Variants in CGGBP1 observed in about 807,000 individuals in gnomAD.
The protein encoded by CGGBP1 is CGG triplet repeat-binding protein 1.
CGGBP1 carries 4 observed loss-of-function variants against 11.4 expected under a neutral mutation model. That is an observed-to-expected ratio of 0.35 (90% CI 0.17 to 0.80). The LOEUF is 0.80. CGGBP1 is among the 30% of genes least tolerant of loss of function. The pLI is 0.52. For missense variants in CGGBP1, 135 were observed against 202.1 expected (o/e 0.67, Z 2.01); for synonymous variants, 76 against 74.1 (o/e 1.03, Z -0.13).
In CGGBP1 at chr3:88,053,424, A is replaced by T. The variant is rs998623251; in HGVS notation, c.*2049T>A. The stretch of plus-strand genomic sequence containing the variant: ...TGGGAATTAATTAGGAGTCTGAAAA[A>T]ATACATTAAGATATATAAAATTTAA... On this transcript the variant is annotated 3_prime_UTR_variant, in exon 4 of 4. Coordinates refer to ENST00000482016, the MANE Select transcript of CGGBP1 (RefSeq NM_001008390.2). 1.3e-5 allele frequency: 2 copies of T among 152,142 alleles called. No homozygotes were observed. The highest frequency in any genetic ancestry group is 4.8e-5 in the African/African-American group (2 of 41,442). 9.4% of individuals were successfully genotyped at this position (152,142 alleles called of 1,614,324 possible).
intron 2 of CGGBP1, among the ~76,000 whole-genome samples, chr3:88,126,868 T>G (rs1278891651): frequency 1.3e-5 from 2 of 152,210 alleles, no homozygotes; most frequent in African/African-American, 4.8e-5. Flanking sequence ...ACTTCATGCA[T>G]TAGAAGTTTT....
At position 88,053,622 on chromosome 3, in the gene CGGBP1, T is replaced by C. The variant is rs1482356274; in HGVS notation, c.*1851A>G. Reference sequence around the variant, plus strand: ...ATAATAGGGAGCAGTTTGAATCACATGGAATTTCAAAAAACAGAATGATTG... The same window carrying C: ...ATAATAGGGAGCAGTTTGAATCACACGGAATTTCAAAAAACAGAATGATTG... On this transcript the variant is annotated 3_prime_UTR_variant, in exon 4 of 4. Transcript: ENST00000482016. The C allele has an allele frequency of 1.3e-5, 2 of 152,544 alleles. No homozygotes were observed. Among genetic ancestry groups the C allele is most frequent in the Non-Finnish European group, 2.9e-5 (2 of 67,982 alleles). The allele number at this position is 152,544 out of a possible 1,614,324, so 9.4% of individuals were successfully genotyped here. A position where few individuals can be genotyped will look rare whatever the true frequency, so the allele number is the denominator to read the frequency against.
chr3:88,094,229 A>G (rs1703921806), intron 2 of CGGBP1, among the ~76,000 whole-genome samples: 1 of 152,076 alleles, frequency 6.6e-6, no homozygotes, highest in Non-Finnish European at 1.5e-5. Context: ...GCTAAAGTCA[A>G]TATTAAAAAA....
At position 88,072,870 on chromosome 3, in the gene CGGBP1, T is replaced by A. The variant is rs140483213; in HGVS notation, c.-228-14647A>T. Among the ~76,000 whole-genome samples the A allele has an allele frequency of 3.9e-4, 59 of 152,298 alleles. 1 individual carries two copies. The East Asian group carries it at 0.011, about 28-fold the overall frequency. ...GGGAAAGTGTGATTAGTGCCACTAT[T>A]TGAATTCCTATGCACGTTCACATGG... On this transcript the variant is annotated intron_variant, in intron 2 of 3. Coordinates refer to the CGGBP1 transcript ENST00000462901.
exon 1 of CGGBP1, chr3:88,149,847 C>G: frequency 1.7e-6 from 1 of 599,768 alleles, no homozygotes; most frequent in Non-Finnish European, 2.9e-6. Context: ...GACTTCACTC[C>G]GTCCCCAGCC....
chr3:88,120,802 C>T (rs1464890925), intron 2 of CGGBP1, among the ~76,000 whole-genome samples: 1 of 56,182 alleles, frequency 1.8e-5, no homozygotes, highest in Non-Finnish European at 5.5e-5. Flanking sequence ...AGTATAAAGT[C>T]AGTGACATTA....
chr3:88,092,480 G>C (rs552257927), intron 2 of CGGBP1, among the ~76,000 whole-genome samples: 1 of 152,056 alleles, frequency 6.6e-6, no homozygotes, highest in African/African-American at 2.4e-5. Context: ...AAATGTGCTG[G>C]GTGAGCTAAC....
intron 2 of CGGBP1, among the ~76,000 whole-genome samples, chr3:88,137,264 A>G (rs1576352759): frequency 6.6e-6 from 1 of 151,924 alleles, no homozygotes; most frequent in East Asian, 1.9e-4. Context: ...TCTGTTTTGA[A>G]TGAATGGATT....
chr3:88,065,697 T>C (rs1190214661), intron 2 of CGGBP1, among the ~76,000 whole-genome samples: 1 of 152,214 alleles, frequency 6.6e-6, no homozygotes, highest in Non-Finnish European at 1.5e-5. Flanking sequence ...AAATTTCATT[T>C]TCTTTTCCTA....
chr3:88,102,183 G>A (rs746916263), intron 2 of CGGBP1, among the ~76,000 whole-genome samples: 5 of 151,942 alleles, frequency 3.3e-5, no homozygotes, highest in Non-Finnish European at 5.9e-5. Context: ...AGTTTTCTTC[G>A]TGTTTCTTGA....
intron 2 of CGGBP1, chr3:88,138,647 T>C: frequency 9.8e-7 from 1 of 1,020,768 alleles, no homozygotes; most frequent in Non-Finnish European, 1.3e-6. Flanking sequence ...AAAGATAGAC[T>C]AGTATAACCA....
chr3:88,059,404 G>A (rs1177565363), upstream of CGGBP1: 6 of 1,534,436 alleles, frequency 3.9e-6, no homozygotes, highest in Admixed American at 9.8e-5. Flanking sequence ...GGGCCCTGTG[G>A]GGCTTAGAGC....
chr3:88,067,552 C>A (rs1189715617), intron 2 of CGGBP1, among the ~76,000 whole-genome samples: 1 of 152,188 alleles, frequency 6.6e-6, no homozygotes, highest in African/African-American at 2.4e-5. Context: ...AAGGATGAGT[C>A]TTCAAATAAA....
intron 2 of CGGBP1, among the ~76,000 whole-genome samples, chr3:88,121,763 ATAT>A: frequency 6.6e-6 from 1 of 152,168 alleles, no homozygotes; most frequent in Non-Finnish European, 1.5e-5. Flanking sequence ...CGTTTTTATA[ATAT>A]TAACCATATT....
intron 1 of CGGBP1, among the ~76,000 whole-genome samples, chr3:88,146,677 C>G (rs1453617460): frequency 6.6e-6 from 1 of 152,108 alleles, no homozygotes. Flanking sequence ...AAACCCCGCA[C>G]CTACCCTCAT....
chr3:88,078,901 T>C (rs1399905914), intron 2 of CGGBP1, among the ~76,000 whole-genome samples: 1 of 152,106 alleles, frequency 6.6e-6, no homozygotes, highest in Non-Finnish European at 1.5e-5. Flanking sequence ...TTATAAATTC[T>C]CTGTGAATTT....
rs181952648 is a variant in CGGBP1 at position 88,058,890 on chromosome 3, C to T, written c.-406G>A. ...GGAAAAGAAAAGGAAGAAAGAGGAG[C>T]AAGGGAATAAGGGAGGAGGAGGATC... On this transcript the variant is annotated 5_prime_UTR_variant, in exon 1 of 4. Coordinates refer to ENST00000482016, the MANE Select transcript of CGGBP1 (RefSeq NM_001008390.2). The T allele has an allele frequency of 2.5e-3, 412 of 165,948 alleles. 2 individuals are homozygous for T. The highest frequency in any genetic ancestry group is 8.6e-3 in the African/African-American group (359 of 41,942). 10.3% of individuals were successfully genotyped at this position (165,948 alleles called of 1,614,324 possible).
upstream of CGGBP1, among the ~76,000 whole-genome samples, chr3:88,061,436 C>A (rs536659727): frequency 5.9e-5 from 9 of 152,240 alleles, no homozygotes; most frequent in Non-Finnish European, 1.2e-4. Flanking sequence ...TTTTCTATTG[C>A]TAAATTATGT....
chr3:88,084,621 G>T (rs1576234066), intron 2 of CGGBP1, among the ~76,000 whole-genome samples: 1 of 152,282 alleles, frequency 6.6e-6, no homozygotes, highest in East Asian at 1.9e-4. Context: ...GGAAAGATGT[G>T]TGAGTACCTG....
Sources: allele counts gnomAD v4.1 joint callset (sites outside exome capture counted in the v4.1 genomes callset), GRCh38; gene constraint gnomAD v4.1.1; transcripts MANE v1.5; gene names NCBI Gene and HGNC (gene_info 2026-07-23, HGNC 2026-07-21).